Variants in TSPAN1 observed in about 807,000 individuals in gnomAD.
TSPAN1 encodes the protein tetraspanin-1.
TSPAN1 carries 23 observed loss-of-function variants against 26.9 expected under a neutral mutation model. The ratio of observed to expected loss-of-function variants is 0.85; its 90% CI spans 0.62 to 1.21. The LOEUF is 1.21. TSPAN1 is among the 50% of genes most tolerant of loss of function. The pLI is 0.00. For missense variants in TSPAN1, 283 were observed against 298.4 expected (o/e 0.95, Z 0.38); for synonymous variants, 115 against 114.8 (o/e 1.00, Z -0.01).
At chr1:46,194,473 A>G in the TSPAN1 span, 2 of 1,614,054 alleles carry the variant, frequency 1.2e-6, no homozygotes, top group South Asian at 2.2e-5. Flanking sequence ...CACACAATCA[A>G]AGGAATAAAG....
Position 46,185,697 on chromosome 1 carries a change from C to A in TSPAN1, c.*164C>A. The A allele has an allele frequency of 1.3e-6, 1 of 754,238 alleles. No homozygotes were observed. The highest frequency in any genetic ancestry group is 2.5e-5 in the East Asian group (1 of 39,660). 46.7% of individuals were successfully genotyped at this position (754,238 alleles called of 1,614,324 possible). A position where few individuals can be genotyped will look rare whatever the true frequency, so the allele number is the denominator to read the frequency against. ...ACTTGGGGCTAGATAGGGACCACTC[C>A]TTTTAGGCGATGCCTGACTTTCCTT... On this transcript the variant is annotated 3_prime_UTR_variant, in exon 9 of 9. Coordinates refer to ENST00000372003, the MANE Select transcript of TSPAN1 (RefSeq NM_005727.4).
chr1:46,179,962 GGAGT>G (rs1203357081), intron 1 of TSPAN1, among the ~76,000 whole-genome samples: 2 of 140,910 alleles, frequency 1.4e-5, no homozygotes, highest in African/African-American at 3.1e-5. Flanking sequence ...AGAGAAAGAG[GGAGT>G]GTGTGTGTGT....
chr1:46,179,388 T>C (rs941627559), intron 1 of TSPAN1, among the ~76,000 whole-genome samples: 1 of 152,200 alleles, frequency 6.6e-6, no homozygotes, highest in Non-Finnish European at 1.5e-5. Flanking sequence ...TTTGACCTTC[T>C]TGCTCTGTGC....
At position 46,180,953 on chromosome 1, in the gene TSPAN1, G is replaced by A. The variant is rs1657302837; in HGVS notation, c.-8-147G>A. The A allele has an allele frequency of 2.1e-5, 14 of 669,914 alleles. No homozygotes were observed. In the South Asian group the frequency reaches 2.5e-4, roughly 12 times the overall value. 41.5% of individuals were successfully genotyped at this position (669,914 alleles called of 1,614,324 possible). On this transcript the variant is annotated intron_variant, in intron 2 of 8. Transcript: ENST00000372003. ...TAGGATAGAAACTGGGAAAAGGTCT[G>A]TGTCAGACCAGGTACAGGAGAAGCT... is the stretch of plus-strand genomic sequence containing the variant.
the TSPAN1 span, chr1:46,192,793 G>A: frequency 3.8e-5 from 60 of 1,586,992 alleles, 1 homozygote; most frequent in South Asian, 1.4e-4. Flanking sequence ...CCCAGGCTTC[G>A]CCCCCACTTG....
At chr1:46,194,474 AG>A in the TSPAN1 span, 6 of 1,614,108 alleles carry the variant, frequency 3.7e-6, no homozygotes, top group East Asian at 1.3e-4. Flanking sequence ...ACACAATCAA[AG>A]GAATAAAGCT....
downstream of TSPAN1, chr1:46,189,266 G>A (rs1657550299): frequency 6.2e-7 from 1 of 1,613,064 alleles, no homozygotes; most frequent in Non-Finnish European, 8.5e-7. Context: ...TCCTGGAGGA[G>A]GTCTCATGTC....
Position 46,185,206 on chromosome 1 carries a change from C to T in TSPAN1, c.595-19C>T, listed in dbSNP as rs1557666062. On this transcript the variant is annotated intron_variant, in intron 7 of 8. Coordinates refer to ENST00000372003, the MANE Select transcript of TSPAN1 (RefSeq NM_005727.4). The stretch of plus-strand genomic sequence containing the variant: ...GTAGGGCAGCTGCCAACTATAAATG[C>T]TCTTTTCTCTTCCTGAAGGGTTGCT... 1 of 1,614,146 alleles carries T rather than the reference C, an allele frequency of 6.2e-7. No individual in the cohort carries two copies. Among genetic ancestry groups the T allele is most frequent in the Non-Finnish European group, 8.5e-7 (1 of 1,180,046 alleles).
At chr1:46,192,769 C>T in the TSPAN1 span, 7 of 1,579,680 alleles carry the variant, frequency 4.4e-6, no homozygotes, top group African/African-American at 4.0e-5. Flanking sequence ...CCAACACCTG[C>T]CATCCTACCT....
At position 46,184,848 on chromosome 1, in the gene TSPAN1, G is replaced by C. The variant is rs776656323; in HGVS notation, c.403G>C (p.Asp135His). The C allele has an allele frequency of 6.2e-7, 1 of 1,614,246 alleles. No individual in the cohort carries two copies. Among genetic ancestry groups the C allele is most frequent in the South Asian group, 1.1e-5 (1 of 91,076 alleles). The change falls in exon 6 of 9, where the codon GAC becomes CAC. Residue 135 changes from aspartate (D) to histidine (H), a missense_variant. By Grantham distance (81) the Asp-to-His change is moderately conservative. Coordinates refer to ENST00000372003, the MANE Select transcript of TSPAN1 (RefSeq NM_005727.4). ...CAAGAAAGATTATGGTTCCCAGGAA[G>C]ACTTCACTCAAGTGTGGAACACCAC... Reference protein sequence around the residue: ...AIKKDYGSQEDFTQVWNTTMK... With the variant: ...AIKKDYGSQEHFTQVWNTTMK...
the TSPAN1 span, chr1:46,194,700 G>A: frequency 5.6e-6 from 9 of 1,614,088 alleles, no homozygotes; most frequent in African/African-American, 1.2e-4. Flanking sequence ...CACCAGTTTG[G>A]GGGCTTTTTC....
chr1:46,194,837 C>G, the TSPAN1 span: 1 of 1,614,106 alleles, frequency 6.2e-7, no homozygotes, highest in Non-Finnish European at 8.5e-7. Context: ...GCCTCTGATG[C>G]CGGCACCTCC....
chr1:46,179,177 T>C (rs1439025255), intron 1 of TSPAN1, among the ~76,000 whole-genome samples: 1 of 151,826 alleles, frequency 6.6e-6, no homozygotes, highest in Non-Finnish European at 1.5e-5. Flanking sequence ...AAAAATTTGC[T>C]TGAGTGCCGG....
rs183532513 is a variant in TSPAN1, at chr1:46,176,018, G to A, written c.-142+609G>A. On this transcript the variant is annotated intron_variant, in intron 1 of 8. Transcript: ENST00000372003. ...CTCCCAAGTAGCTGGGACTAAAGGC[G>A]TGTGCCACCACGCCCGGCTAATTTT... 5.9e-5 allele frequency among the ~76,000 whole-genome samples: 9 copies of A among 152,240 alleles called. No homozygotes were observed. In the South Asian group the frequency reaches 6.2e-4, roughly 11 times the overall value.
the TSPAN1 span, chr1:46,192,917 A>G: frequency 1.2e-6 from 2 of 1,614,106 alleles, no homozygotes; most frequent in Non-Finnish European, 1.7e-6. Flanking sequence ...AATCCACAGC[A>G]ATGTCCAGGT....
intron 1 of TSPAN1, chr1:46,176,308 G>A: frequency 6.5e-7 from 1 of 1,535,772 alleles, no homozygotes; most frequent in Non-Finnish European, 8.7e-7. Flanking sequence ...AGGATTGATG[G>A]CTGCACTGCT....
At chr1:46,195,292 G>A in the TSPAN1 span, among the ~76,000 whole-genome samples, 4 of 151,920 alleles carry the variant, frequency 2.6e-5, no homozygotes, top group East Asian at 1.9e-4. Flanking sequence ...CAAATATGCC[G>A]TGTACCTTCC....
At chr1:46,193,905 G>A in the TSPAN1 span, 25 of 1,614,046 alleles carry the variant, frequency 1.5e-5, no homozygotes, top group East Asian at 2.7e-4. Flanking sequence ...CAGGCACATT[G>A]AGGACCTTGT....
At chr1:46,182,713 T>C (rs1657341685) in intron 3 of TSPAN1, among the ~76,000 whole-genome samples, 1 of 152,102 alleles carries the variant, frequency 6.6e-6, no homozygotes, top group South Asian at 2.1e-4. Context: ...ATGTATTGAT[T>C]AGTTTAGAAG....
Sources: gnomAD v4.1 joint callset for allele counts (sites outside exome capture counted in the v4.1 genomes callset) on GRCh38, gnomAD v4.1.1 for gene constraint, MANE v1.5 for transcripts, NCBI Gene and HGNC (gene_info 2026-07-23, HGNC 2026-07-21) for gene names.